The following ADAMTS18 variants were observed in gnomAD, a reference collection of about 807,000 sequenced individuals.
ADAMTS18 encodes ADAM metallopeptidase with thrombospondin type 1 motif 18, also known as A disintegrin and metalloproteinase with thrombospondin motifs 18.
In ADAMTS18, 157 loss-of-function variants were observed where a neutral mutation model predicts 165.9. The observed-to-expected ratio is 0.95, with a 90% CI of 0.83 to 1.08. The LOEUF (loss-of-function observed/expected upper bound fraction) is 1.08. Ranked by LOEUF, ADAMTS18 falls within the 50% of genes least tolerant of loss-of-function variation. ADAMTS18 has a pLI of 0.00. For missense variants in ADAMTS18, 2,040 were observed against 1,534.0 expected (o/e 1.33, Z -5.51); for synonymous variants, 782 against 578.2 (o/e 1.35, Z -5.06).
At chr16:77,354,181 A>G (rs1309336336) in intron 9 of ADAMTS18, among the ~76,000 whole-genome samples, 1 of 152,158 alleles carries the variant, frequency 6.6e-6, no homozygotes, top group Admixed American at 6.5e-5. Context: ...AACTCCCATC[A>G]ACAATCTTAT....
At chr16:77,366,493 A>T (rs1426002084) in intron 4 of ADAMTS18, among the ~76,000 whole-genome samples, 1 of 152,170 alleles carries the variant, frequency 6.6e-6, no homozygotes, top group Non-Finnish European at 1.5e-5. Flanking sequence ...GGTGGGGTGG[A>T]GGTTGCAGTG....
intron 3 of ADAMTS18, among the ~76,000 whole-genome samples, chr16:77,418,880 G>A (rs570683376): frequency 6.6e-6 from 1 of 152,320 alleles, no homozygotes; most frequent in African/African-American, 2.4e-5. Flanking sequence ...GCCGAGTGCG[G>A]CAGCTCACGC....
chr16:77,304,303 T>A (rs2055642819), intron 16 of ADAMTS18, among the ~76,000 whole-genome samples: 1 of 152,070 alleles, frequency 6.6e-6, no homozygotes, highest in Admixed American at 6.6e-5. Context: ...TAAAATAAAA[T>A]TTTAAAAAAC....
At chr16:77,380,124 G>A (rs1261305044) in intron 3 of ADAMTS18, among the ~76,000 whole-genome samples, 1 of 152,114 alleles carries the variant, frequency 6.6e-6, no homozygotes, top group Non-Finnish European at 1.5e-5. Flanking sequence ...TACTCCAATA[G>A]GCTCAAAATG....
intron 16 of ADAMTS18, among the ~76,000 whole-genome samples, chr16:77,315,062 G>A (rs544534260): frequency 1.3e-3 from 194 of 151,732 alleles, no homozygotes; most frequent in African/African-American, 4.3e-3. Flanking sequence ...ATTTTTAACT[G>A]TCTGCTACTG....
chr16:77,390,561 G>C (rs1032942625), intron 3 of ADAMTS18, among the ~76,000 whole-genome samples: 1 of 152,048 alleles, frequency 6.6e-6, no homozygotes, highest in African/African-American at 2.4e-5. Context: ...ATGGTGGCGT[G>C]TGCCTGTAAT....
At chr16:77,407,690 T>C (rs923039112) in intron 3 of ADAMTS18, among the ~76,000 whole-genome samples, 1 of 152,104 alleles carries the variant, frequency 6.6e-6, no homozygotes, top group Non-Finnish European at 1.5e-5. Context: ...GTAGTGTGCC[T>C]GTAGTGTCTT....
At chr16:77,347,149 T>A (rs2056489522) in intron 10 of ADAMTS18, among the ~76,000 whole-genome samples, 1 of 152,238 alleles carries the variant, frequency 6.6e-6, no homozygotes, top group Non-Finnish European at 1.5e-5. Context: ...TGAATGGAGT[T>A]CCATTGTATG....
Position 77,430,071 on chromosome 16 carries a change from C to A in ADAMTS18, c.495+1224G>T, listed in dbSNP as rs568649048. Among the ~76,000 whole-genome samples, 124 of 152,188 alleles carry A rather than the reference C, an allele frequency of 8.1e-4. 2 individuals carry two copies. Among genetic ancestry groups the A allele is most frequent in the African/African-American group, 2.8e-3 (118 of 41,524 alleles). On this transcript the variant is annotated intron_variant, in intron 3 of 22. Coordinates refer to ENST00000282849, the MANE Select transcript of ADAMTS18 (RefSeq NM_199355.4). ...CTACGGTGGGTTGTGTAAACTCCTC[C>A]TTTAGGACACCGGAATAGACAGAAG... is the stretch of plus-strand genomic sequence containing the variant.
chr16:77,410,330 T>A (rs1294654112), intron 3 of ADAMTS18, among the ~76,000 whole-genome samples: 3 of 151,838 alleles, frequency 2.0e-5, no homozygotes. Flanking sequence ...ATCAAAAATG[T>A]TTAAATGTAT....
At chr16:77,309,929 T>C (rs1436796594) in intron 16 of ADAMTS18, among the ~76,000 whole-genome samples, 1 of 152,228 alleles carries the variant, frequency 6.6e-6, no homozygotes, top group Non-Finnish European at 1.5e-5. Context: ...ATTCCTCAAA[T>C]GCATTTTAGG....
intron 22 of ADAMTS18, among the ~76,000 whole-genome samples, chr16:77,288,001 C>A (rs1041808751): frequency 6.6e-6 from 1 of 152,172 alleles, no homozygotes; most frequent in Non-Finnish European, 1.5e-5. Flanking sequence ...TGGCTTTGAA[C>A]AAGATCGAGG....
At position 77,325,292 on chromosome 16, in the gene ADAMTS18, A is replaced by C. The variant is rs1306157036; in HGVS notation, c.2032+574T>G. 3.9e-5 allele frequency among the ~76,000 whole-genome samples: 6 copies of C among 152,330 alleles called. No individual in the cohort carries two copies. The East Asian group carries it at 7.7e-4, about 20-fold the overall frequency. On this transcript the variant is annotated intron_variant, in intron 13 of 22. Transcript: ENST00000282849. ...TACATTAAACTCTTCTGCTGTAACT[A>C]ATGTTTTATTATTCAGTCAAAATAA...
intron 16 of ADAMTS18, among the ~76,000 whole-genome samples, chr16:77,317,671 G>A (rs761803885): frequency 6.6e-6 from 1 of 152,120 alleles, no homozygotes; most frequent in Non-Finnish European, 1.5e-5. Context: ...GAAATTTCAA[G>A]ATGTCATCTA....
At position 77,359,408 on chromosome 16, in the gene ADAMTS18, C is replaced by G; in HGVS notation, c.1232G>C (p.Ser411Thr). Residue 411 changes from serine to threonine, a missense_variant, in exon 8 of 23, where the codon AGT becomes ACT. Physicochemically the swap from Ser to Thr is moderately conservative, Grantham distance 58 (BLOSUM62 1). Transcript: ENST00000282849. Reference sequence around the variant, plus strand: ...ACTTCGGTACTTAGAGCACATTCCACTGATGGGGGCAAACCCTATTGAAAG... The same window carrying G: ...ACTTCGGTACTTAGAGCACATTCCAGTGATGGGGGCAAACCCTATTGAAAG... ...PCDTLGFAPI[S>T]GMCSKYRSCT... 1 of 1,613,816 alleles carries G rather than the reference C, an allele frequency of 6.2e-7. No individual in the cohort carries two copies. The highest frequency in any genetic ancestry group is 8.5e-7 in the Non-Finnish European group (1 of 1,179,940).
intron 3 of ADAMTS18, among the ~76,000 whole-genome samples, chr16:77,371,728 A>G (rs1198878647): frequency 6.6e-6 from 1 of 152,186 alleles, no homozygotes; most frequent in Non-Finnish European, 1.5e-5. Context: ...TTTTTTGGAG[A>G]AAAACTCAAA....
intron 22 of ADAMTS18, among the ~76,000 whole-genome samples, chr16:77,288,859 C>G (rs1042102530): frequency 2.0e-5 from 3 of 152,072 alleles, no homozygotes. Flanking sequence ...TGACAGTAAA[C>G]CCAGAACTTG....
rs1430710568 is a variant in ADAMTS18, at chr16:77,395,919, A to T, written c.496-28196T>A. The stretch of plus-strand genomic sequence containing the variant: ...ACTCCAAGCTTCAATGATAGTCATG[A>T]TATTTTCTAATGTTTTTGAAGCATT... On this transcript the variant is annotated intron_variant, in intron 3 of 22. Transcript: ENST00000282849. 5.9e-5 allele frequency among the ~76,000 whole-genome samples: 9 copies of T among 152,246 alleles called. No individual in the cohort carries two copies. The South Asian group carries it at 1.9e-3, about 32-fold the overall frequency.
At chr16:77,375,061 C>G (rs2056929359) in intron 3 of ADAMTS18, among the ~76,000 whole-genome samples, 1 of 152,040 alleles carries the variant, frequency 6.6e-6, no homozygotes, top group African/African-American at 2.4e-5. Context: ...ATATCGAAAA[C>G]AAGCAAAGTC....
Sources: gnomAD v4.1 joint callset for allele counts (sites outside exome capture counted in the v4.1 genomes callset) on GRCh38, gnomAD v4.1.1 for gene constraint, MANE v1.5 for transcripts, NCBI Gene and HGNC (gene_info 2026-07-23, HGNC 2026-07-21) for gene names.